Variants in LINGO1 observed in about 807,000 individuals in gnomAD.
LINGO1 encodes the protein leucine rich repeat and Ig domain containing 1.
Under a neutral mutation model 37.3 loss-of-function variants are expected in LINGO1, and 11 were observed. The ratio of observed to expected loss-of-function variants is 0.29; its 90% CI spans 0.19 to 0.49. The LOEUF (loss-of-function observed/expected upper bound fraction) is 0.49, where lower values mean the gene tolerates loss of function less well. Among genes scored for constraint, LINGO1 ranks in the 20% least tolerant of loss-of-function variants. LINGO1 has a pLI of 0.99. For synonymous variants in LINGO1, 387 were observed against 403.0 expected, an observed-to-expected ratio of 0.96 and a Z score of 0.48; for missense variants, 585 against 878.2, an observed-to-expected ratio of 0.67 and a Z score of 4.22.
At chr15:77,638,428 G>T (rs376441728), upstream of LINGO1, among the ~76,000 whole-genome samples, 3 of 152,164 alleles carry the variant, frequency 2.0e-5, no homozygotes, top group African/African-American at 7.2e-5. Flanking sequence ...AATAGAAAAT[G>T]TAAGATCACT....
chr15:77,645,382 T>G (rs772126263), intron 3 of LINGO1, among the ~76,000 whole-genome samples: 1 of 152,214 alleles, frequency 6.6e-6, no homozygotes, highest in East Asian at 1.9e-4. Flanking sequence ...TCTTTATCAC[T>G]GCCTCTCTCC....
chr15:77,683,971 A>G (rs933401327), intron 2 of LINGO1, among the ~76,000 whole-genome samples: 3 of 152,028 alleles, frequency 2.0e-5, no homozygotes, highest in Non-Finnish European at 2.9e-5. Flanking sequence ...TCCCTTTTCC[A>G]GCCTTACCTT....
rs1344902763 is a variant in LINGO1 at position 77,614,091 on chromosome 15, T to C, written c.1816A>G (p.Ile606Val). 7 of 1,613,354 alleles carry C rather than the reference T, an allele frequency of 4.3e-6. No individual in the cohort carries two copies. The highest frequency in any genetic ancestry group is 5.1e-6 in the Non-Finnish European group (6 of 1,179,654). ...EYVPRKSDAG[I>V]SSADAPRKFN... ...TTGCGGGGCGCGTCGGCGGAGCTGA[T>C]GCCTGCGTCCGACTTTCGGGGCACA... Residue 606 changes from isoleucine (I) to valine (V), a missense_variant, in exon 2 of 2, where the codon ATC becomes GTC. Transcript: ENST00000355300.
rs567563182 is a variant in LINGO1 at position 77,760,879 on chromosome 15, T to C, written c.-256-25826A>G. 7.4e-5 allele frequency among the ~76,000 whole-genome samples: 11 copies of C among 148,778 alleles called. No individual in the cohort carries two copies. In the South Asian group the frequency reaches 2.4e-3, roughly 32 times the overall value. On this transcript the variant is annotated intron_variant, in intron 1 of 3. Coordinates refer to the LINGO1 transcript ENST00000561686. The stretch of plus-strand genomic sequence containing the variant: ...AGAAACAGAAACCACAGAAATTTGC[T>C]AAAAAGCTTTATTTTGTTGTGATTG...
At chr15:77,782,908 C>A (rs911267498) in intron 1 of LINGO1, among the ~76,000 whole-genome samples, 1 of 152,124 alleles carries the variant, frequency 6.6e-6, no homozygotes, top group Non-Finnish European at 1.5e-5. Flanking sequence ...CTCCAGAGCA[C>A]CCCCCTGCTC....
intron 3 of LINGO1, among the ~76,000 whole-genome samples, chr15:77,644,112 A>G (rs1233536485): frequency 6.6e-6 from 1 of 152,204 alleles, no homozygotes; most frequent in Non-Finnish European, 1.5e-5. Context: ...TGCTTTGCGA[A>G]TGTATCTACG....
chr15:77,776,488 A>AGGAAAGCAGGAAGGCAGGAAGGCAGGAAG (rs1567577582), intron 1 of LINGO1, among the ~76,000 whole-genome samples: 11 of 90,636 alleles, frequency 1.2e-4, no homozygotes, highest in African/African-American at 5.5e-4. Context: ...AAGGCAGGAA[A>AGGAAAGCAGGAAGGCAGGAAGGCAGGAAG]GCAGGAAGGC....
upstream of LINGO1, among the ~76,000 whole-genome samples, chr15:77,636,642 C>T (rs1331163903): frequency 1.3e-5 from 2 of 152,080 alleles, no homozygotes. Context: ...GGGTCACAGC[C>T]ACTCCCTGGG....
intron 1 of LINGO1, among the ~76,000 whole-genome samples, chr15:77,628,978 G>A (rs2074174384): frequency 6.6e-6 from 1 of 152,210 alleles, no homozygotes; most frequent in South Asian, 2.1e-4. Flanking sequence ...GGCTTACTGT[G>A]TACCAGGCAG....
intron 1 of LINGO1, among the ~76,000 whole-genome samples, chr15:77,621,115 C>A (rs999874819): frequency 6.0e-5 from 9 of 150,856 alleles, no homozygotes; most frequent in Admixed American, 1.3e-4. Context: ...AGTGCAGTGG[C>A]GAGATCTTGG....
At chr15:77,615,928 A>C in intron 1 of LINGO1, 28 bp from the exon 2 acceptor site, 1 of 1,439,736 alleles carries the variant, frequency 6.9e-7, no homozygotes, top group Non-Finnish European at 9.1e-7. Context: ...CACAGGACAG[A>C]GGTGGCGGTT....
At chr15:77,769,300 C>G (rs1174102114) in intron 1 of LINGO1, among the ~76,000 whole-genome samples, 3 of 152,228 alleles carry the variant, frequency 2.0e-5, no homozygotes, top group Admixed American at 6.5e-5. Flanking sequence ...AGGAAAACCC[C>G]ACTCGTCCCA....
At chr15:77,794,303 TACATATATGTGTATATAC>T (rs2076841691) in intron 2 of LINGO1, among the ~76,000 whole-genome samples, 2 of 125,248 alleles carry the variant, frequency 1.6e-5, no homozygotes, top group African/African-American at 5.9e-5. Context: ...TGTATATATA[TACATATATGTGTATATAC>T]ATACATATAT....
At chr15:77,712,774 C>T (rs1221767916) in intron 2 of LINGO1, among the ~76,000 whole-genome samples, 3 of 152,304 alleles carry the variant, frequency 2.0e-5, no homozygotes, top group South Asian at 4.1e-4. Flanking sequence ...ATTCTAGAAG[C>T]CCACCAGCTT....
intron 3 of LINGO1, chr15:77,648,386 C>G (rs1272612882): frequency 1.3e-5 from 2 of 158,820 alleles, no homozygotes; most frequent in Non-Finnish European, 2.8e-5. Context: ...CGGCAATGTC[C>G]ACTCACACAA....
At chr15:77,798,851 C>A (rs1425575474) in intron 1 of LINGO1, among the ~76,000 whole-genome samples, 2 of 152,214 alleles carry the variant, frequency 1.3e-5, no homozygotes, top group Non-Finnish European at 2.9e-5. Flanking sequence ...TCCACAGAAA[C>A]AGCTCTTCAA....
chr15:77,617,927 T>TCATC (rs1166774346), intron 1 of LINGO1, among the ~76,000 whole-genome samples: 1 of 152,134 alleles, frequency 6.6e-6, no homozygotes, highest in Non-Finnish European at 1.5e-5. Context: ...ACCCTGACCC[T>TCATC]CCCTTCAGCC....
chr15:77,625,034 T>G (rs539380510), intron 1 of LINGO1, among the ~76,000 whole-genome samples: 15 of 152,234 alleles, frequency 9.9e-5, no homozygotes, highest in African/African-American at 3.6e-4. Context: ...CTCTCACACC[T>G]TCCTGGGGCC....
At chr15:77,794,082 G>A (rs62007851) in intron 2 of LINGO1, among the ~76,000 whole-genome samples, 75,501 of 151,818 alleles carry the variant, frequency 0.5, 19,601 homozygotes, top group South Asian at 0.61. Context: ...TGTGGTGCCT[G>A]TGGGTGCTGC....
Sources: allele counts gnomAD v4.1 joint callset (sites outside exome capture counted in the v4.1 genomes callset), GRCh38; gene constraint gnomAD v4.1.1; transcripts MANE v1.5; gene names NCBI Gene and HGNC (gene_info 2026-07-23, HGNC 2026-07-21).